ALYREF: variants seen among roughly 807,000 people sequenced by gnomAD.
ALYREF encodes the protein Aly/REF export factor, also known as THO complex subunit 4.
ALYREF carries 1 observed loss-of-function variant against 25.2 expected under a neutral mutation model. The observed-to-expected ratio is 0.04, with a 90% CI of 0.01 to 0.19. The LOEUF is 0.19. Ranked by LOEUF, ALYREF falls within the 10% of genes least tolerant of loss-of-function variation. ALYREF has a pLI of 1.00. For synonymous variants in ALYREF, 193 were observed against 153.5 expected (o/e 1.26, Z -1.90); for missense variants, 328 against 375.6 (o/e 0.87, Z 1.05).
Position 81,888,540 on chromosome 17 carries a change from T to C in ALYREF, c.582A>G (p.Ala194=), listed in dbSNP as rs988724534. 3.8e-6 allele frequency: 6 copies of C among 1,596,958 alleles called. No homozygotes were observed. In the African/African-American group the frequency reaches 5.4e-5, roughly 14 times the overall value. The change falls in exon 4 of 6, where the codon GCA becomes GCG. Residue 194 remains alanine, a synonymous_variant. Transcript: ENST00000505490. The surrounding 1 kb of genome is among the most constrained non-coding windows in gnomAD (Gnocchi z 5.8). ...NIQLVTSQID[A]QRRPAQSVNR... ...GTCACCTCTGTGCAGGCCTCCGCTG[T>C]GCGTCAATCTGTGACGTGACAAGCT...
At position 81,888,809 on chromosome 17, in the gene ALYREF, C is replaced by T. The variant is rs559549463; in HGVS notation, c.539-226G>A. 4 of 1,424,538 alleles carry T rather than the reference C, an allele frequency of 2.8e-6. No individual in the cohort carries two copies. In the East Asian group the frequency reaches 1.0e-4, roughly 36 times the overall value. 88.2% of individuals were successfully genotyped at this position (1,424,538 alleles called of 1,614,324 possible). Reference sequence around the variant, plus strand: ...TTCTCAGTCCAGACTAGGTGGGCTGCTCGCTGAGGTATCGGGGTGCTCGTG... The same window carrying T: ...TTCTCAGTCCAGACTAGGTGGGCTGTTCGCTGAGGTATCGGGGTGCTCGTG... On this transcript the variant is annotated intron_variant, in intron 3 of 5. Coordinates refer to ENST00000505490, the MANE Select transcript of ALYREF (RefSeq NM_005782.4). The surrounding 1 kb of genome is among the most constrained non-coding windows in gnomAD (Gnocchi z 5.8).
chr17:81,888,324 TTCCACGGGCGCC>T lies in ALYREF; in HGVS notation c.685_696del (p.Gly229_Gly232del), dbSNP rs1405110469. On this transcript the variant is annotated inframe_deletion, in exon 5 of 6. Coordinates refer to ENST00000505490, the MANE Select transcript of ALYREF (RefSeq NM_005782.4). The surrounding 1 kb of genome is among the most constrained non-coding windows in gnomAD (Gnocchi z 5.8). ...GAATTCCTGCCGGCACCTCTGCCTCTTCCACGGGCGCCTCCGCGGGTGCCTCTCCGGGTGCCT... is the reference window on the plus strand; with the variant it reads ...GAATTCCTGCCGGCACCTCTGCCTCTTCCGCGGGTGCCTCTCCGGGTGCCT... 5.0e-6 allele frequency: 8 copies of T among 1,606,690 alleles called. No homozygotes were observed. Among genetic ancestry groups the T allele is most frequent in the South Asian group, 1.1e-5 (1 of 90,968 alleles).
Position 81,888,197 on chromosome 17 carries a change from C to T in ALYREF, c.780+44G>A. ...GCATTCACAGGCGGCCTGCTCCCCACTGCGGCTTTGACCAGGCCCCCAGCT... is the reference window on the plus strand; with the variant it reads ...GCATTCACAGGCGGCCTGCTCCCCATTGCGGCTTTGACCAGGCCCCCAGCT... On this transcript the variant is annotated intron_variant, in intron 5 of 5. Coordinates refer to ENST00000505490, the MANE Select transcript of ALYREF (RefSeq NM_005782.4). This position sits in a 1 kb window ranked among gnomAD's most constrained non-coding sequence, Gnocchi z 5.8. 5 of 1,614,030 alleles carry T rather than the reference C, an allele frequency of 3.1e-6. No individual in the cohort carries two copies. The South Asian group carries it at 4.4e-5, about 14-fold the overall frequency.
chr17:81,887,969 A>AG lies in ALYREF; in HGVS notation c.*161_*162insC. The AG allele has an allele frequency of 1.2e-6, 1 of 835,196 alleles. No homozygotes were observed. The highest frequency in any genetic ancestry group is 2.5e-5 in the South Asian group (1 of 39,446). The allele number at this position is 835,196 out of a possible 1,614,324, so 51.7% of individuals were successfully genotyped here. ...GTCTGTTTCAGAATTAAAAAAAAAAAAAAAGAAAAAAAAAAAACCTTTACA... is the reference window on the plus strand; with the variant it reads ...GTCTGTTTCAGAATTAAAAAAAAAAAGAAAAGAAAAAAAAAAAACCTTTACA... On this transcript the variant is annotated 3_prime_UTR_variant, in exon 6 of 6. Transcript: ENST00000505490.
intron 2 of ALYREF, among the ~76,000 whole-genome samples, chr17:81,890,418 T>C (rs866323270): frequency 5.9e-5 from 9 of 152,218 alleles, no homozygotes; most frequent in Non-Finnish European, 1.0e-4. Flanking sequence ...GGTCAGTCTT[T>C]GTCCCTGTTA....
In ALYREF at chr17:81,891,188, C is replaced by A; in HGVS notation, c.258+135G>T. ...CCACCACCCCCTCCGCGCCCACACGCACCCTCCGGACCTCCGGGCGGCCGC... is the reference window on the plus strand; with the variant it reads ...CCACCACCCCCTCCGCGCCCACACGAACCCTCCGGACCTCCGGGCGGCCGC... On this transcript the variant is annotated intron_variant, in intron 1 of 5. Coordinates refer to ENST00000505490, the MANE Select transcript of ALYREF (RefSeq NM_005782.4). 8 of 639,670 alleles carry A rather than the reference C, an allele frequency of 1.3e-5. No homozygotes were observed. The South Asian group carries it at 2.5e-4, about 20-fold the overall frequency. The allele number at this position is 639,670 out of a possible 1,614,324, so 39.6% of individuals were successfully genotyped here.
At position 81,889,337 on chromosome 17, in the gene ALYREF, T is replaced by G; in HGVS notation, c.391-8A>C. On this transcript the variant is annotated splice_region_variant and splice_polypyrimidine_tract_variant and intron_variant, in intron 2 of 5. Transcript: ENST00000505490. The stretch of plus-strand genomic sequence containing the variant: ...AAATTCAGCAAAGAGTTCCTGGGAG[T>G]TGCAGAGAGCAGTTGTCAGAAAAGC... 2.5e-6 allele frequency: 4 copies of G among 1,613,112 alleles called. No individual in the cohort carries two copies. The highest frequency in any genetic ancestry group is 3.4e-6 in the Non-Finnish European group (4 of 1,179,186).
rs565224645 is a variant in ALYREF at position 81,890,888 on chromosome 17, C to A, written c.259-68G>T. 712 of 1,605,124 alleles carry A rather than the reference C, an allele frequency of 4.4e-4. 1 individual carries two copies. Among genetic ancestry groups the A allele is most frequent in the Non-Finnish European group, 5.9e-4 (694 of 1,174,892 alleles). On this transcript the variant is annotated intron_variant, in intron 1 of 5. Coordinates refer to ENST00000505490, the MANE Select transcript of ALYREF (RefSeq NM_005782.4). Reference sequence around the variant, plus strand: ...TCCAGGGCTTTCCTGACCCTCACGGCTACTCCGGACCCTTCCTCTTCCCGG... The same window carrying A: ...TCCAGGGCTTTCCTGACCCTCACGGATACTCCGGACCCTTCCTCTTCCCGG...
chr17:81,888,588 G>T lies in ALYREF; in HGVS notation c.539-5C>A. On this transcript the variant is annotated splice_region_variant and splice_polypyrimidine_tract_variant and intron_variant, in intron 3 of 5. Coordinates refer to ENST00000505490, the MANE Select transcript of ALYREF (RefSeq NM_005782.4). The surrounding 1 kb of genome is among the most constrained non-coding windows in gnomAD (Gnocchi z 5.8). ...GCTGAATGTTCATGGGGCGGCCTGC[G>T]GCAAAGAATACGAGAAGGCACGTTC... 6.3e-7 allele frequency: 1 copy of T among 1,587,420 alleles called. No homozygotes were observed. The highest frequency in any genetic ancestry group is 2.3e-5 in the East Asian group (1 of 44,054).
At chr17:81,890,611 G>C (rs967696608) in intron 2 of ALYREF, 78 bp downstream of exon 2, 12 of 1,576,044 alleles carry the variant, frequency 7.6e-6, no homozygotes, top group Non-Finnish European at 1.0e-5. Flanking sequence ...GCGGGAAGGG[G>C]ACTCAGGGCC....
rs771825297 is a variant in ALYREF, at chr17:81,888,587, C to T, written c.539-4G>A. 6.9e-6 allele frequency: 11 copies of T among 1,587,442 alleles called. No individual in the cohort carries two copies. The African/African-American group carries it at 9.4e-5, about 14-fold the overall frequency. On this transcript the variant is annotated splice_region_variant and splice_polypyrimidine_tract_variant and intron_variant, in intron 3 of 5. Transcript: ENST00000505490. This position sits in a 1 kb window ranked among gnomAD's most constrained non-coding sequence, Gnocchi z 5.8. ...AGCTGAATGTTCATGGGGCGGCCTG[C>T]GGCAAAGAATACGAGAAGGCACGTT...
In ALYREF at chr17:81,888,097, G is replaced by A. The variant is rs772021827; in HGVS notation, c.*34C>T. 26 of 1,613,596 alleles carry A rather than the reference G, an allele frequency of 1.6e-5. No individual in the cohort carries two copies. The South Asian group carries it at 2.4e-4, about 15-fold the overall frequency. The stretch of plus-strand genomic sequence containing the variant: ...AACCAGGGAGCAAGAGGAGACGCCT[G>A]GGTCCTGTTCCGCACGCGGATTTGC... On this transcript the variant is annotated 3_prime_UTR_variant, in exon 6 of 6. Coordinates refer to ENST00000505490, the MANE Select transcript of ALYREF (RefSeq NM_005782.4). This position sits in a 1 kb window ranked among gnomAD's most constrained non-coding sequence, Gnocchi z 5.8.
intron 1 of ALYREF, 137 bp from the exon 2 acceptor site, chr17:81,890,957 G>A: frequency 7.4e-7 from 1 of 1,344,832 alleles, no homozygotes. Context: ...CGCTCCCTCC[G>A]GCGCTGCAGC....
chr17:81,889,387 GC>G (rs1348785432), intron 2 of ALYREF, 58 bp from the exon 3 acceptor site: 51 of 1,595,034 alleles, frequency 3.2e-5, no homozygotes, highest in Non-Finnish European at 4.1e-5. Context: ...CCTTCTGGTG[GC>G]CCAGGGACAG....
Position 81,888,808 on chromosome 17 carries a change from G to A in ALYREF, c.539-225C>T. 4 of 1,424,308 alleles carry A rather than the reference G, an allele frequency of 2.8e-6. No homozygotes were observed. Among genetic ancestry groups the A allele is most frequent in the Non-Finnish European group, 3.7e-6 (4 of 1,091,714 alleles). The allele number at this position is 1,424,308 out of a possible 1,614,324, so 88.2% of individuals were successfully genotyped here. The stretch of plus-strand genomic sequence containing the variant: ...CTTCTCAGTCCAGACTAGGTGGGCT[G>A]CTCGCTGAGGTATCGGGGTGCTCGT... On this transcript the variant is annotated intron_variant, in intron 3 of 5. Transcript: ENST00000505490. This position sits in a 1 kb window ranked among gnomAD's most constrained non-coding sequence, Gnocchi z 5.8.
chr17:81,890,748 T>G lies in ALYREF; in HGVS notation c.331A>C (p.Thr111Pro). The change falls in exon 2 of 6, where the codon ACA (threonine) becomes CCA (proline). Residue 111 changes from threonine to proline, a missense_variant. Coordinates refer to ENST00000505490, the MANE Select transcript of ALYREF (RefSeq NM_005782.4). ...SGFGGGAGVE[T>P]GGKLLVSNLD... ...TTGGACACCAGCAGTTTCCCACCTG[T>G]CTCCACGCCGGCACCACCGCCGAAG... 1 of 1,613,852 alleles carries G rather than the reference T, an allele frequency of 6.2e-7. No individual in the cohort carries two copies. Among genetic ancestry groups the G allele is most frequent in the Non-Finnish European group, 8.5e-7 (1 of 1,179,984 alleles).
In ALYREF at chr17:81,888,340, GCGGGTGCCTCTCCGGGTGCCTCCA is replaced by G. The variant is rs1381897828; in HGVS notation, c.657_680del (p.Thr222_Gly229del). 1 of 1,604,992 alleles carries G rather than the reference GCGGGTGCCTCTCCGGGTGCCTCCA, an allele frequency of 6.2e-7. No homozygotes were observed. The stretch of plus-strand genomic sequence containing the variant: ...CTCTGCCTCTTCCACGGGCGCCTCC[GCGGGTGCCTCTCCGGGTGCCTCCA>G]CCACCACCAAAACCTCCAGCGCCAC... On this transcript the variant is annotated inframe_deletion, in exon 5 of 6. Transcript: ENST00000505490. This position sits in a 1 kb window ranked among gnomAD's most constrained non-coding sequence, Gnocchi z 5.8.
chr17:81,891,204 G>A, intron 1 of ALYREF, 119 bp downstream of exon 1: 1 of 535,952 alleles, frequency 1.9e-6, no homozygotes, highest in Non-Finnish European at 2.2e-6. Flanking sequence ...CCGGACCTCC[G>A]GGCGGCCGCT....
At position 81,888,354 on chromosome 17, in the gene ALYREF, G is replaced by A. The variant is rs1019938563; in HGVS notation, c.667C>T (p.Arg223Trp). Residue 223 changes from arginine (R) to tryptophan (W), a missense_variant, in exon 5 of 6, where the codon CGG becomes TGG. Physicochemically the swap from Arg to Trp is moderately radical, Grantham distance 101. Transcript: ENST00000505490. The surrounding 1 kb of genome is among the most constrained non-coding windows in gnomAD (Gnocchi z 5.8). ...CGGGCGCCTCCGCGGGTGCCTCTCC[G>A]GGTGCCTCCACCACCACCAAAACCT... Reference protein sequence around the residue: ...AGGFGGGGGTRRGTRGGARGR... With the variant: ...AGGFGGGGGTWRGTRGGARGR... 4 of 1,603,654 alleles carry A rather than the reference G, an allele frequency of 2.5e-6. No individual in the cohort carries two copies. The highest frequency in any genetic ancestry group is 3.4e-6 in the Non-Finnish European group (4 of 1,178,070).
Sources: gnomAD v4.1 joint callset for allele counts (sites outside exome capture counted in the v4.1 genomes callset) on GRCh38, gnomAD v4.1.1 for gene constraint, Gnocchi (gnomAD v3.1) non-coding constraint, MANE v1.5 for transcripts, NCBI Gene and HGNC (gene_info 2026-07-23, HGNC 2026-07-21) for gene names.